Variants in TMEFF2 observed in about 807,000 individuals in gnomAD.
The protein encoded by TMEFF2 is tomoregulin-2.
A neutral mutation model predicts 53.8 loss-of-function variants in TMEFF2; 28 were observed. The observed-to-expected ratio is 0.52, with a 90% CI of 0.39 to 0.71. TMEFF2 has a LOEUF of 0.71. TMEFF2 is among the 30% of genes least tolerant of loss of function. The pLI is 0.00. For missense variants in TMEFF2, 353 were observed against 455.2 expected (o/e 0.78, Z 2.04); for synonymous variants, 162 against 166.3 (o/e 0.97, Z 0.20).
chr2:192,101,835 T>A (rs1689037932), intron 4 of TMEFF2, among the ~76,000 whole-genome samples: 1 of 152,268 alleles, frequency 6.6e-6, no homozygotes, highest in East Asian at 1.9e-4. Flanking sequence ...AAAGAAAATA[T>A]CTGAAGGGGA....
At chr2:192,094,775 T>C (rs1397173498) in intron 4 of TMEFF2, among the ~76,000 whole-genome samples, 8 of 152,296 alleles carry the variant, frequency 5.3e-5, no homozygotes, top group Non-Finnish European at 1.0e-4. Context: ...GAAACATGCT[T>C]CCTCTCCTCT....
chr2:192,150,671 A>G (rs1017207473), intron 4 of TMEFF2, among the ~76,000 whole-genome samples: 8 of 143,922 alleles, frequency 5.6e-5, no homozygotes, highest in Non-Finnish European at 9.0e-5. Context: ...ACATACTCCT[A>G]GGTCCAAGCA....
chr2:192,003,282 C>G (rs1207369542), intron 5 of TMEFF2, among the ~76,000 whole-genome samples: 2 of 152,090 alleles, frequency 1.3e-5, no homozygotes, highest in African/African-American at 2.4e-5. Context: ...GCTTGAAAAT[C>G]GAAGAGCCTA....
In TMEFF2 at chr2:192,165,808, C is replaced by G. The variant is rs537684555; in HGVS notation, c.439+13860G>C. On this transcript the variant is annotated intron_variant, in intron 4 of 9. Coordinates refer to ENST00000272771, the MANE Select transcript of TMEFF2 (RefSeq NM_016192.4). ...GCTCCCTCAGCATTAGCAGTAGATA[C>G]TGTGTGCTAGAAATGTCAGAAATCA... Among the ~76,000 whole-genome samples the G allele has an allele frequency of 8.6e-5, 13 of 151,778 alleles. No homozygotes were observed. The South Asian group carries it at 2.5e-3, about 29-fold the overall frequency.
intron 4 of TMEFF2, among the ~76,000 whole-genome samples, chr2:192,147,026 CTCAG>C (rs1559146233): frequency 6.6e-6 from 1 of 152,094 alleles, no homozygotes; most frequent in Non-Finnish European, 1.5e-5. Flanking sequence ...AATTAAAATA[CTCAG>C]TCTATAAATA....
At chr2:192,123,387 A>G (rs1689605077) in intron 4 of TMEFF2, among the ~76,000 whole-genome samples, 1 of 152,190 alleles carries the variant, frequency 6.6e-6, no homozygotes, top group Non-Finnish European at 1.5e-5. Context: ...GATTACAAAA[A>G]CAATTAAAAC....
At chr2:192,133,913 C>G (rs1273303588) in intron 4 of TMEFF2, among the ~76,000 whole-genome samples, 1 of 152,196 alleles carries the variant, frequency 6.6e-6, no homozygotes, top group Non-Finnish European at 1.5e-5. Context: ...TCCCAAACCT[C>G]AATCCCTTAC....
chr2:192,032,547 G>A (rs780745595), intron 5 of TMEFF2: 6 of 152,168 alleles, frequency 3.9e-5, no homozygotes, highest in Non-Finnish European at 5.9e-5. Context: ...TGGGCAGATC[G>A]TTTAACTTCT....
rs201037011 is a variant in TMEFF2 at position 191,986,251 on chromosome 2, TCAAA to T, written c.745+12007_745+12010del. 2.1e-3 allele frequency among the ~76,000 whole-genome samples: 322 copies of T among 152,320 alleles called. 3 individuals are homozygous for T. The East Asian group carries it at 0.025, about 12-fold the overall frequency. On this transcript the variant is annotated intron_variant, in intron 7 of 9. Coordinates refer to ENST00000272771, the MANE Select transcript of TMEFF2 (RefSeq NM_016192.4). ...TTAAAAATCATCATTAAACAATCTT[TCAAA>T]CAGTCAGTGTTTGGCTCAGTAATTT...
intron 4 of TMEFF2, among the ~76,000 whole-genome samples, chr2:192,087,975 C>G: frequency 6.6e-6 from 1 of 152,158 alleles, no homozygotes; most frequent in Non-Finnish European, 1.5e-5. Flanking sequence ...CTGCTCCTCC[C>G]CTTGAGCAAA....
Position 191,949,387 on chromosome 2 carries a change from A to T in TMEFF2, c.*924T>A. 1.0e-6 allele frequency: 1 copy of T among 985,424 alleles called. No individual in the cohort carries two copies. Among genetic ancestry groups the T allele is most frequent in the Non-Finnish European group, 1.2e-6 (1 of 829,908 alleles). The allele number at this position is 985,424 out of a possible 1,614,324, so 61.0% of individuals were successfully genotyped here. A position where few individuals can be genotyped will look rare whatever the true frequency, so the allele number is the denominator to read the frequency against. The stretch of plus-strand genomic sequence containing the variant: ...TGCTGCATTAGCCACAAAGCTATTC[A>T]TGGGGTATTGGTTGTGATTCTAACT... On this transcript the variant is annotated 3_prime_UTR_variant, in exon 10 of 10. Transcript: ENST00000272771.
intron 7 of TMEFF2, among the ~76,000 whole-genome samples, chr2:191,979,188 G>T (rs930729313): frequency 4.6e-5 from 7 of 152,134 alleles, no homozygotes; most frequent in Non-Finnish European, 8.8e-5. Context: ...TCTTCTTTTG[G>T]CTTAACCTTT....
intron 4 of TMEFF2, among the ~76,000 whole-genome samples, chr2:192,169,679 G>A (rs1333156302): frequency 6.6e-6 from 1 of 152,098 alleles, no homozygotes. Flanking sequence ...ATAGATGAGA[G>A]ATACCTAAGG....
intron 2 of TMEFF2, among the ~76,000 whole-genome samples, chr2:192,185,559 C>A (rs189505757): frequency 6.6e-6 from 1 of 151,708 alleles, no homozygotes; most frequent in African/African-American, 2.4e-5. Context: ...CAAAATAAAC[C>A]AATAATACAG....
chr2:192,040,059 A>C (rs918031207), intron 5 of TMEFF2, among the ~76,000 whole-genome samples: 9 of 152,282 alleles, frequency 5.9e-5, no homozygotes, highest in Admixed American at 5.9e-4. Flanking sequence ...GCTAGTAATC[A>C]AAGATAGTGT....
At chr2:192,173,270 A>G (rs1226071813) in intron 4 of TMEFF2, among the ~76,000 whole-genome samples, 2 of 151,882 alleles carry the variant, frequency 1.3e-5, no homozygotes, top group Non-Finnish European at 2.9e-5. Context: ...ATGTACAACT[A>G]TTATGTGTTC....
chr2:192,046,005 A>G (rs1366457116), intron 5 of TMEFF2, among the ~76,000 whole-genome samples: 1 of 152,192 alleles, frequency 6.6e-6, no homozygotes, highest in African/African-American at 2.4e-5. Flanking sequence ...AAGCATGGCA[A>G]TGGGTATATG....
intron 5 of TMEFF2, among the ~76,000 whole-genome samples, chr2:192,053,994 A>G (rs188761489): frequency 6.6e-6 from 1 of 152,280 alleles, no homozygotes; most frequent in African/African-American, 2.4e-5. Flanking sequence ...CTTACATTCA[A>G]CATTTTAAAT....
chr2:191,981,918 G>T (rs148954877), intron 7 of TMEFF2, among the ~76,000 whole-genome samples: 4 of 152,182 alleles, frequency 2.6e-5, no homozygotes, highest in South Asian at 2.1e-4. Flanking sequence ...TATATCTGCC[G>T]CTTTGAAGTC....
Sources: allele counts gnomAD v4.1 joint callset (sites outside exome capture counted in the v4.1 genomes callset), GRCh38; gene constraint gnomAD v4.1.1; transcripts MANE v1.5; gene names NCBI Gene and HGNC (gene_info 2026-07-23, HGNC 2026-07-21).